P4HA3: variants seen among roughly 807,000 people sequenced by gnomAD.
P4HA3 encodes prolyl 4-hydroxylase subunit alpha 3.
P4HA3 carries 60 observed loss-of-function variants against 66.7 expected under a neutral mutation model. The ratio of observed to expected loss-of-function variants is 0.90; its 90% CI spans 0.73 to 1.12. The LOEUF (loss-of-function observed/expected upper bound fraction) is 1.12. Among genes scored for constraint, P4HA3 ranks in the 50% most tolerant of loss-of-function variants. The probability of loss-of-function intolerance (pLI) is 0.00; values close to 1 mark genes in which losing one functional copy is unlikely to be tolerated. For missense variants in P4HA3, 683 were observed against 685.8 expected (o/e 1.00, Z 0.05); for synonymous variants, 263 against 274.6 (o/e 0.96, Z 0.42).
At chr11:74,255,887 G>A (rs900594496) in intron 15 of P4HA3, 1 of 507,194 alleles carries the variant, frequency 2.0e-6, no homozygotes, top group Non-Finnish European at 3.9e-6. Context: ...GAGGAGAGAA[G>A]TTCCTTATGT....
chr11:74,253,505 T>A, intron 15 of P4HA3: 1 of 1,609,052 alleles, frequency 6.2e-7, no homozygotes, highest in Non-Finnish European at 8.5e-7. Context: ...GTTTCCTGGC[T>A]GTTAGTGACC....
intron 15 of P4HA3, chr11:74,254,492 T>A (rs942426008): frequency 1.4e-4 from 22 of 152,984 alleles, no homozygotes; most frequent in African/African-American, 5.3e-4. Context: ...CCTGTCCCTA[T>A]TGCCCAGGCA....
At chr11:74,289,287 G>C (rs1230716951) in intron 4 of P4HA3, among the ~76,000 whole-genome samples, 157 bp from the exon 5 acceptor site, 1 of 151,690 alleles carries the variant, frequency 6.6e-6, no homozygotes, top group Non-Finnish European at 1.5e-5. Flanking sequence ...AAATGCAGAG[G>C]ATCTGTGGCC....
At chr11:74,261,084 C>T (rs1362932914) in intron 14 of P4HA3, among the ~76,000 whole-genome samples, 2 of 152,164 alleles carry the variant, frequency 1.3e-5, no homozygotes, top group Non-Finnish European at 2.9e-5. Context: ...TTCTTGAGCT[C>T]TTGCCCCATG....
chr11:74,300,649 A>G (rs1458273954), intron 3 of P4HA3, among the ~76,000 whole-genome samples: 1 of 152,204 alleles, frequency 6.6e-6, no homozygotes, highest in African/African-American at 2.4e-5. Context: ...AAAGAATTTC[A>G]TAAACTAGAA....
chr11:74,267,279 C>T lies in P4HA3; in HGVS notation c.1604G>A (p.Arg535His), dbSNP rs201729955. The T allele has an allele frequency of 1.9e-4, 300 of 1,614,210 alleles. 2 individuals carry two copies. The East Asian group carries it at 4.6e-3, about 25-fold the overall frequency. ...TTCAGGGCTGGAGCTGCAGGGTCTG[C>T]GGAATTCCTGTCCATACTCATGTAT... ...KWIHEYGQEF[R>H]RPCSSSPED Residue 535 changes from arginine to histidine, a missense_variant, in exon 13 of 13, where the codon CGC (arginine) becomes CAC (histidine). Transcript: ENST00000331597.
At chr11:74,251,163 ACTTCTCCCTGGCAG>A (rs2135684971) in intron 15 of P4HA3, 2 of 1,472,868 alleles carry the variant, frequency 1.4e-6, no homozygotes, top group Non-Finnish European at 1.8e-6. Context: ...CAGCTCTCCA[ACTTCTCCCTGGCAG>A]CTGCTTATGG....
At chr11:74,283,073 G>A (rs551448461) in intron 7 of P4HA3, among the ~76,000 whole-genome samples, 20 of 152,132 alleles carry the variant, frequency 1.3e-4, no homozygotes, top group Non-Finnish European at 2.6e-4. Context: ...AAGCCACTGA[G>A]GCATCTGTCT....
rs1424938362 is a variant in P4HA3 at position 74,290,562 on chromosome 11, G to A, written c.718-1432C>T. On this transcript the variant is annotated intron_variant, in intron 4 of 12. Transcript: ENST00000331597. ...GGTATTGCCTAGGTTTTCTTCTAGG[G>A]TTTTTACGGTTTTAGGTCTAACATT... Among the ~76,000 whole-genome samples the A allele has an allele frequency of 3.3e-5, 5 of 151,428 alleles. No homozygotes were observed. In the East Asian group the frequency reaches 5.8e-4, roughly 17 times the overall value.
At chr11:74,252,288 A>G in intron 15 of P4HA3, 1 of 235,306 alleles carries the variant, frequency 4.2e-6, no homozygotes, top group Non-Finnish European at 8.2e-6. Flanking sequence ...TGGTTTCTCC[A>G]TGTTGGCCAG....
At position 74,269,725 on chromosome 11, in the gene P4HA3, A is replaced by T. The variant is rs1188057322; in HGVS notation, c.1399-5T>A. On this transcript the variant is annotated splice_polypyrimidine_tract_variant and splice_region_variant and intron_variant, in intron 10 of 12. Coordinates refer to ENST00000331597, the MANE Select transcript of P4HA3 (RefSeq NM_182904.5). ...TCCAGCTTCCACCGAGCTCAGCTAC[A>T]AGACCAGAGGAAGAAGCCAGAGTTA... 1 of 1,613,860 alleles carries T rather than the reference A, an allele frequency of 6.2e-7. No individual in the cohort carries two copies. The highest frequency in any genetic ancestry group is 1.1e-5 in the South Asian group (1 of 91,010).
At chr11:74,308,633 T>G (rs1193910652) in intron 1 of P4HA3, among the ~76,000 whole-genome samples, 1 of 152,156 alleles carries the variant, frequency 6.6e-6, no homozygotes, top group Non-Finnish European at 1.5e-5. Flanking sequence ...AACTACAAAA[T>G]TAACTGTTCA....
At chr11:74,281,771 G>A (rs925352006) in intron 7 of P4HA3, among the ~76,000 whole-genome samples, 2 of 151,792 alleles carry the variant, frequency 1.3e-5, no homozygotes, top group African/African-American at 4.8e-5. Flanking sequence ...TATACCTAAT[G>A]CTAGATGACG....
intron 3 of P4HA3, 84 bp from the exon 4 acceptor site, chr11:74,298,445 T>C (rs1861297666): frequency 6.7e-7 from 1 of 1,483,774 alleles, no homozygotes. Context: ...AAGAGGGACT[T>C]TGGAATCCAA....
In P4HA3 at chr11:74,279,374, AG is replaced by A; in HGVS notation, c.1175+13del. ...GGTGGGCAGCAGGTATGACCAAGGA[AG>A]GGCCCTTCTTACCTTTTGCTGATGC... On this transcript the variant is annotated intron_variant, in intron 8 of 12. Coordinates refer to ENST00000331597, the MANE Select transcript of P4HA3 (RefSeq NM_182904.5). The A allele has an allele frequency of 6.7e-7, 1 of 1,496,734 alleles. No individual in the cohort carries two copies. The allele number at this position is 1,496,734 out of a possible 1,614,324, so 92.7% of individuals were successfully genotyped here. A position where few individuals can be genotyped will look rare whatever the true frequency, so the allele number is the denominator to read the frequency against.
At chr11:74,303,110 T>C (rs1173930291) in intron 2 of P4HA3, among the ~76,000 whole-genome samples, 1 of 151,852 alleles carries the variant, frequency 6.6e-6, no homozygotes, top group East Asian at 1.9e-4. Flanking sequence ...CGCCATCACA[T>C]CCATCTAATT....
chr11:74,308,248 C>T (rs963708112), intron 1 of P4HA3, among the ~76,000 whole-genome samples: 12 of 152,114 alleles, frequency 7.9e-5, no homozygotes, highest in African/African-American at 2.9e-4. Flanking sequence ...CACGGTAGCT[C>T]ATGCTTGCAA....
Position 74,268,253 on chromosome 11 carries a change from G to C in P4HA3, c.1468-12C>G, listed in dbSNP as rs374947850. On this transcript the variant is annotated splice_polypyrimidine_tract_variant and intron_variant, in intron 11 of 12. Coordinates refer to ENST00000331597, the MANE Select transcript of P4HA3 (RefSeq NM_182904.5). ...AACAGTGCTGCATTCTGAAACAAGA[G>C]GGCCCAGCCCCAGGGAGGGTCAGCC... is the stretch of plus-strand genomic sequence containing the variant. The C allele has an allele frequency of 1.9e-6, 3 of 1,610,820 alleles. No homozygotes were observed. In the East Asian group the frequency reaches 6.7e-5, roughly 36 times the overall value.
intron 3 of P4HA3, among the ~76,000 whole-genome samples, chr11:74,298,887 A>T (rs1861309173): frequency 1.3e-5 from 2 of 152,236 alleles, no homozygotes; most frequent in African/African-American, 4.8e-5. Context: ...CAAAAAGTAA[A>T]CTTGAAACAG....
Sources: allele counts gnomAD v4.1 joint callset (sites outside exome capture counted in the v4.1 genomes callset), GRCh38; gene constraint gnomAD v4.1.1; transcripts MANE v1.5; gene names NCBI Gene and HGNC (gene_info 2026-07-23, HGNC 2026-07-21).